KIAA1328: variants seen among roughly 807,000 people sequenced by gnomAD.
KIAA1328 encodes KIAA1328.
In KIAA1328, 52 loss-of-function variants were observed where a neutral mutation model predicts 68.1. That is an observed-to-expected ratio of 0.76 (90% CI 0.61 to 0.96). The LOEUF (loss-of-function observed/expected upper bound fraction) is 0.96, where lower values mean the gene tolerates loss of function less well. Ranked by LOEUF, KIAA1328 falls within the 40% of genes least tolerant of loss-of-function variation. The probability of loss-of-function intolerance (pLI) is 0.00; values close to 1 mark genes in which losing one functional copy is unlikely to be tolerated. For synonymous variants in KIAA1328, 232 were observed against 239.4 expected, an observed-to-expected ratio of 0.97 and a Z score of 0.28; for missense variants, 641 against 677.6, an observed-to-expected ratio of 0.95 and a Z score of 0.60.
chr18:36,960,873 A>G (rs2051637567), intron 6 of KIAA1328, among the ~76,000 whole-genome samples: 1 of 152,212 alleles, frequency 6.6e-6, no homozygotes, highest in African/African-American at 2.4e-5. Flanking sequence ...CAAAGCAGAG[A>G]AGCTGAAAAT....
intron 4 of KIAA1328, among the ~76,000 whole-genome samples, chr18:36,849,889 C>T (rs2047156019): frequency 6.6e-6 from 1 of 152,006 alleles, no homozygotes. Context: ...TATAGCCATG[C>T]TAGTAGATAT....
At chr18:36,972,071 A>G (rs995161376) in intron 6 of KIAA1328, among the ~76,000 whole-genome samples, 1 of 152,228 alleles carries the variant, frequency 6.6e-6, no homozygotes, top group South Asian at 2.1e-4. Context: ...AAGAATGGAT[A>G]TATTAATCAG....
intron 3 of KIAA1328, among the ~76,000 whole-genome samples, chr18:36,843,905 T>C (rs1200098568): frequency 6.6e-6 from 1 of 152,156 alleles, no homozygotes; most frequent in Non-Finnish European, 1.5e-5. Flanking sequence ...TATCTTCTGT[T>C]GAGTATTTGT....
intron 5 of KIAA1328, among the ~76,000 whole-genome samples, chr18:36,935,373 T>A (rs2050460501): frequency 6.6e-6 from 1 of 152,202 alleles, no homozygotes; most frequent in Admixed American, 6.5e-5. Flanking sequence ...TATTTAGACC[T>A]CCTTTGGTAT....
At chr18:36,867,821 A>T (rs555949654) in intron 4 of KIAA1328, among the ~76,000 whole-genome samples, 3 of 152,232 alleles carry the variant, frequency 2.0e-5, no homozygotes, top group Non-Finnish European at 2.9e-5. Flanking sequence ...AAACAGGGTG[A>T]AAGACAGTAG....
intron 4 of KIAA1328, among the ~76,000 whole-genome samples, chr18:36,858,787 G>C (rs1466386404): frequency 1.3e-5 from 2 of 152,176 alleles, no homozygotes; most frequent in East Asian, 3.9e-4. Flanking sequence ...CAGAGGTGAA[G>C]TGCCCTTTCC....
chr18:36,855,161 G>A (rs938758198), intron 4 of KIAA1328, among the ~76,000 whole-genome samples: 5 of 152,024 alleles, frequency 3.3e-5, no homozygotes, highest in Admixed American at 2.0e-4. Context: ...AATTCCTTTG[G>A]GTATACAACT....
At chr18:36,945,399 C>G (rs537227225) in intron 5 of KIAA1328, among the ~76,000 whole-genome samples, 6 of 152,060 alleles carry the variant, frequency 3.9e-5, no homozygotes, top group Admixed American at 2.0e-4. Flanking sequence ...CCGCCCCCCC[C>G]ACGAAGTTAC....
chr18:37,194,787 A>G (rs2059972406), intron 9 of KIAA1328, among the ~76,000 whole-genome samples: 1 of 152,064 alleles, frequency 6.6e-6, no homozygotes, highest in Admixed American at 6.6e-5. Flanking sequence ...CAGCCTCCTG[A>G]GTAGCTGAGA....
At chr18:36,944,317 A>G (rs771870240) in intron 5 of KIAA1328, among the ~76,000 whole-genome samples, 18 of 152,118 alleles carry the variant, frequency 1.2e-4, no homozygotes, top group East Asian at 5.8e-4. Flanking sequence ...GGTGGCTCAC[A>G]CCTGTAATCC....
At chr18:37,100,261 C>G (rs550634934) in intron 7 of KIAA1328, among the ~76,000 whole-genome samples, 391 of 152,294 alleles carry the variant, frequency 2.6e-3, no homozygotes, top group Non-Finnish European at 4.3e-3. Flanking sequence ...CAGGCAATTC[C>G]CTTTCCTAGT....
chr18:36,877,818 C>T (rs1312738511), intron 4 of KIAA1328, among the ~76,000 whole-genome samples: 4 of 151,880 alleles, frequency 2.6e-5, no homozygotes, highest in African/African-American at 7.3e-5. Flanking sequence ...AGGCGCCCGC[C>T]ACAATGGCTG....
At chr18:36,982,668 C>T (rs1231896747) in intron 6 of KIAA1328, among the ~76,000 whole-genome samples, 1 of 151,794 alleles carries the variant, frequency 6.6e-6, no homozygotes, top group Non-Finnish European at 1.5e-5. Flanking sequence ...GAAAATTATA[C>T]CAGATGGAAA....
chr18:36,938,416 A>G (rs956040378), intron 5 of KIAA1328, among the ~76,000 whole-genome samples: 3 of 152,058 alleles, frequency 2.0e-5, no homozygotes, highest in East Asian at 1.9e-4. Context: ...AGAAAAGTCT[A>G]TTTAGGTCCT....
chr18:37,024,994 A>C (rs1380749422), intron 6 of KIAA1328, among the ~76,000 whole-genome samples: 1 of 152,178 alleles, frequency 6.6e-6, no homozygotes, highest in African/African-American at 2.4e-5. Context: ...AGTCCCAGCA[A>C]CAGTGTAAAA....
chr18:37,027,693 C>T (rs1235038296), intron 6 of KIAA1328, among the ~76,000 whole-genome samples: 1 of 152,118 alleles, frequency 6.6e-6, no homozygotes, highest in Non-Finnish European at 1.5e-5. Context: ...GGATCCCTTC[C>T]TTACCCCTTA....
At chr18:37,085,557 G>A (rs928493725) in intron 7 of KIAA1328, among the ~76,000 whole-genome samples, 1 of 152,146 alleles carries the variant, frequency 6.6e-6, no homozygotes, top group Non-Finnish European at 1.5e-5. Flanking sequence ...GTCCTTGAAA[G>A]TCCTATTCTG....
At chr18:36,983,828 A>G (rs535331180) in intron 6 of KIAA1328, among the ~76,000 whole-genome samples, 1 of 152,194 alleles carries the variant, frequency 6.6e-6, no homozygotes, top group South Asian at 2.1e-4. Flanking sequence ...GATATCCCTC[A>G]TGAATCTACA....
At chr18:37,083,938 T>C (rs1269596752) in intron 7 of KIAA1328, among the ~76,000 whole-genome samples, 1 of 152,208 alleles carries the variant, frequency 6.6e-6, no homozygotes, top group African/African-American at 2.4e-5. Context: ...TAAAGAAAAT[T>C]TAAGTTACTA....
Sources: allele counts gnomAD v4.1 joint callset (sites outside exome capture counted in the v4.1 genomes callset), GRCh38; gene constraint gnomAD v4.1.1; transcripts MANE v1.5; gene names NCBI Gene and HGNC (gene_info 2026-07-23, HGNC 2026-07-21).